The following SLC16A6 variants were observed in gnomAD, a reference collection of about 807,000 sequenced individuals.
SLC16A6 encodes monocarboxylate transporter 7.
Under a neutral mutation model 33.8 loss-of-function variants are expected in SLC16A6, and 15 were observed. That is an observed-to-expected ratio of 0.44 (90% CI 0.30 to 0.68). SLC16A6 has a LOEUF of 0.68. Ranked by LOEUF, SLC16A6 falls within the 30% of genes least tolerant of loss-of-function variation. The pLI is 0.10. For missense variants in SLC16A6, 451 were observed against 661.5 expected, an observed-to-expected ratio of 0.68 and a Z score of 3.49; for synonymous variants, 219 against 248.4, an observed-to-expected ratio of 0.88 and a Z score of 1.11.
intron 1 of SLC16A6, among the ~76,000 whole-genome samples, chr17:68,287,258 G>A (rs556937154): frequency 8.5e-4 from 130 of 152,102 alleles, no homozygotes; most frequent in African/African-American, 2.0e-3. Flanking sequence ...AGTATTAAAC[G>A]TTAGATAGTA....
At chr17:68,281,253 C>T (rs868965486) in intron 1 of SLC16A6, among the ~76,000 whole-genome samples, 1 of 152,068 alleles carries the variant, frequency 6.6e-6, no homozygotes, top group South Asian at 2.1e-4. Context: ...AGCAAAAAAA[C>T]TCCCCAACAA....
rs1195945031 is a variant in SLC16A6, at chr17:68,286,060, AAT to A, written c.-8+5024_-8+5025del. Among the ~76,000 whole-genome samples, 4 of 152,128 alleles carry A rather than the reference AAT, an allele frequency of 2.6e-5. No homozygotes were observed. In the East Asian group the frequency reaches 7.7e-4, roughly 29 times the overall value. ...AGATGTGAGCCACCGCGCCTGGCAT[AAT>A]TTTTATTTTTTGTAGAGACAGGGTC... On this transcript the variant is annotated intron_variant, in intron 1 of 5. Transcript: ENST00000580666.
intron 1 of SLC16A6, 51 bp downstream of exon 1, chr17:68,291,035 C>T (rs1480898386): frequency 6.6e-6 from 1 of 152,234 alleles, no homozygotes; most frequent in African/African-American, 2.4e-5. Context: ...AAAAAACAAC[C>T]CACATCCCAC....
At chr17:68,277,912 C>A (rs1463082818) in intron 2 of SLC16A6, among the ~76,000 whole-genome samples, 177 bp downstream of exon 2, 1 of 152,094 alleles carries the variant, frequency 6.6e-6, no homozygotes, top group Non-Finnish European at 1.5e-5. Context: ...TTCTTCAGTG[C>A]CTTTTGTTTC....
intron 1 of SLC16A6, among the ~76,000 whole-genome samples, chr17:68,278,579 C>A (rs1555751803): frequency 6.6e-6 from 1 of 151,470 alleles, no homozygotes; most frequent in Non-Finnish European, 1.5e-5. Flanking sequence ...GGACTACAGG[C>A]ATGTGCCACC....
At chr17:68,290,975 T>C (rs1363976498) in intron 1 of SLC16A6, 111 bp downstream of exon 1, 2 of 152,168 alleles carry the variant, frequency 1.3e-5, no homozygotes, top group African/African-American at 4.8e-5. Context: ...AGATGTTCAG[T>C]GGTCTCCTCC....
chr17:68,287,994 T>C (rs544326634), intron 1 of SLC16A6, among the ~76,000 whole-genome samples: 3 of 149,974 alleles, frequency 2.0e-5, no homozygotes, highest in African/African-American at 7.3e-5. Context: ...TCCTTTCTTT[T>C]TTTTTTTTTT....
intron 1 of SLC16A6, among the ~76,000 whole-genome samples, chr17:68,281,126 C>CAA (rs782776858): frequency 4.1e-5 from 3 of 72,926 alleles, no homozygotes; most frequent in Non-Finnish European, 5.7e-5. Context: ...ACTCTGCCTC[C>CAA]AAAAAAAAAA....
intron 1 of SLC16A6, among the ~76,000 whole-genome samples, chr17:68,281,924 A>G (rs1229093784): frequency 1.3e-5 from 2 of 152,234 alleles, no homozygotes; most frequent in African/African-American, 4.8e-5. Flanking sequence ...TAGTTCAACC[A>G]TGGTGGAAGA....
intron 1 of SLC16A6, among the ~76,000 whole-genome samples, chr17:68,280,179 CAAAA>C (rs58937538): frequency 3.7e-4 from 32 of 87,574 alleles, no homozygotes; most frequent in Admixed American, 1.1e-3. Flanking sequence ...AACTCTGTCT[CAAAA>C]AAAAAAAAAA....
At position 68,268,174 on chromosome 17, in the gene SLC16A6, G is replaced by A. The variant is rs543960474; in HGVS notation, c.*922C>T. On this transcript the variant is annotated 3_prime_UTR_variant, in exon 6 of 6. Transcript: ENST00000580666. ...GACGTATTCTGTGAGGCATTTAAAG[G>A]ATTGCAGAAAGGAGGTAAAAATGCT... 7.2e-5 allele frequency: 11 copies of A among 152,448 alleles called. No individual in the cohort carries two copies. The highest frequency in any genetic ancestry group is 2.6e-4 in the African/African-American group (11 of 41,550). 9.4% of individuals were successfully genotyped at this position (152,448 alleles called of 1,614,324 possible).
chr17:68,281,582 A>G (rs1196963216), intron 1 of SLC16A6, among the ~76,000 whole-genome samples: 1 of 152,234 alleles, frequency 6.6e-6, no homozygotes, highest in East Asian at 1.9e-4. Flanking sequence ...TCAAATAAAT[A>G]AATAAATAAA....
rs2075238617 is a variant in SLC16A6, at chr17:68,268,915, T to TTAAAA, written c.*176_*180dup. The TTAAAA allele has an allele frequency of 7.1e-7, 1 of 1,414,256 alleles. No homozygotes were observed. Among genetic ancestry groups the TTAAAA allele is most frequent in the African/African-American group, 1.5e-5 (1 of 68,852 alleles). The allele number at this position is 1,414,256 out of a possible 1,614,324, so 87.6% of individuals were successfully genotyped here. On this transcript the variant is annotated 3_prime_UTR_variant, in exon 6 of 6. Transcript: ENST00000580666. ...TTAAAAACAAGCAAAAAAAAAAAGC[T>TTAAAA]TAAAACAAAACAAAACAAAACAAAA...
chr17:68,268,906 A>C lies in SLC16A6; in HGVS notation c.*190T>G. 7.3e-7 allele frequency: 1 copy of C among 1,368,232 alleles called. No homozygotes were observed. Among genetic ancestry groups the C allele is most frequent in the Admixed American group, 2.7e-5 (1 of 36,866 alleles). 84.8% of individuals were successfully genotyped at this position (1,368,232 alleles called of 1,614,324 possible). A position where few individuals can be genotyped will look rare whatever the true frequency, so the allele number is the denominator to read the frequency against. ...GTTTTGGCTTTAAAAACAAGCAAAA[A>C]AAAAAAGCTTAAAACAAAACAAAAC... On this transcript the variant is annotated 3_prime_UTR_variant, in exon 6 of 6. Transcript: ENST00000580666.
intron 2 of SLC16A6, among the ~76,000 whole-genome samples, chr17:68,277,430 G>GC (rs2145050171): frequency 6.7e-6 from 1 of 149,782 alleles, no homozygotes; most frequent in Admixed American, 6.7e-5. Flanking sequence ...GCGCCCGGCC[G>GC]CAACTTTTTT....
chr17:68,286,689 G>A (rs1190216416), intron 1 of SLC16A6, among the ~76,000 whole-genome samples: 3 of 152,048 alleles, frequency 2.0e-5, no homozygotes, highest in Non-Finnish European at 4.4e-5. Flanking sequence ...ATTTTTAGTA[G>A]AGATGAGGTT....
chr17:68,291,318 C>G (rs1441171982), upstream of SLC16A6: 3 of 140,136 alleles, frequency 2.1e-5, no homozygotes, highest in East Asian at 7.9e-4. Context: ...CCCACCCCGG[C>G]CGCCTGCGAC....
At chr17:68,282,762 T>G (rs2075732610) in intron 1 of SLC16A6, among the ~76,000 whole-genome samples, 2 of 90,802 alleles carry the variant, frequency 2.2e-5, no homozygotes, top group African/African-American at 1.0e-4. Flanking sequence ...GCCAACATAG[T>G]GAAACCCCAT....
Position 68,270,840 on chromosome 17 carries a change from T to C in SLC16A6, c.1320A>G (p.Ala440=), listed in dbSNP as rs782484148. 60 of 1,598,574 alleles carry C rather than the reference T, an allele frequency of 3.8e-5. No homozygotes were observed. The South Asian group carries it at 6.0e-4, about 16-fold the overall frequency. The change falls in exon 5 of 6, where the codon GCA becomes GCG. Residue 440 remains alanine, a splice_region_variant and synonymous_variant. Coordinates refer to ENST00000580666, the MANE Select transcript of SLC16A6 (RefSeq NM_004694.5). The stretch of plus-strand genomic sequence containing the variant: ...TTGTATTTTGTGTATTTAAATTACC[T>C]GCAAGGGGCGGTCCAGCCAGTCCTG... ...SIAGLAGPPL[A]GLLVDQSKIY... is the part of the protein sequence containing the mutation.
Sources: allele counts gnomAD v4.1 joint callset (sites outside exome capture counted in the v4.1 genomes callset), GRCh38; gene constraint gnomAD v4.1.1; transcripts MANE v1.5; gene names NCBI Gene and HGNC (gene_info 2026-07-23, HGNC 2026-07-21).